Variants in TCEA1 observed in about 807,000 individuals in gnomAD.
The protein encoded by TCEA1 is transcription elongation factor A1.
A neutral mutation model predicts 43.8 loss-of-function variants in TCEA1; 21 were observed. That is an observed-to-expected ratio of 0.48 (90% CI 0.34 to 0.69). The LOEUF (loss-of-function observed/expected upper bound fraction) is 0.69. TCEA1 is among the 30% of genes least tolerant of loss of function. TCEA1 has a pLI of 0.01. For synonymous variants in TCEA1, 104 were observed against 117.5 expected (o/e 0.88, Z 0.75); for missense variants, 250 against 365.1 (o/e 0.68, Z 2.57).
At chr8:54,016,138 A>G (rs1047830207) in intron 1 of TCEA1, among the ~76,000 whole-genome samples, 3 of 152,226 alleles carry the variant, frequency 2.0e-5, no homozygotes, top group South Asian at 2.1e-4. Context: ...CATAGTTACT[A>G]TATGACCCAG....
chr8:54,012,859 A>G, intron 1 of TCEA1, among the ~76,000 whole-genome samples: 1 of 151,508 alleles, frequency 6.6e-6, no homozygotes, highest in Non-Finnish European at 1.5e-5. Flanking sequence ...GCTCGAGCCC[A>G]GAAGCTTGAG....
intron 1 of TCEA1, among the ~76,000 whole-genome samples, chr8:54,021,184 C>T (rs965461093): frequency 2.6e-5 from 4 of 152,038 alleles, no homozygotes; most frequent in African/African-American, 9.7e-5. Flanking sequence ...AGTTAAACTC[C>T]GTCTCGAAAA....
intron 1 of TCEA1, among the ~76,000 whole-genome samples, chr8:54,013,741 C>A (rs2129313653): frequency 6.7e-6 from 1 of 148,794 alleles, no homozygotes; most frequent in South Asian, 2.2e-4. Context: ...CTATGATGAT[C>A]TGAATGAGTG....
intron 3 of TCEA1, among the ~76,000 whole-genome samples, chr8:53,998,692 T>C (rs937372421): frequency 1.3e-5 from 2 of 152,194 alleles, no homozygotes; most frequent in African/African-American, 4.8e-5. Flanking sequence ...AGGGAATTCA[T>C]ATTTGTTGGG....
chr8:54,008,762 TA>T (rs1804558462), intron 2 of TCEA1, among the ~76,000 whole-genome samples: 2 of 151,484 alleles, frequency 1.3e-5, no homozygotes, highest in African/African-American at 4.8e-5. Context: ...TCAACATCAC[TA>T]ATCATTGGAG....
intron 1 of TCEA1, among the ~76,000 whole-genome samples, chr8:54,019,547 G>A (rs1804955561): frequency 1.4e-5 from 2 of 146,444 alleles, no homozygotes; most frequent in African/African-American, 2.6e-5. Context: ...TCTAGCCTGG[G>A]TAACAGAGTG....
At chr8:53,984,289 C>T in intron 7 of TCEA1, 74 bp downstream of exon 7, 1 of 1,364,606 alleles carries the variant, frequency 7.3e-7, no homozygotes, top group Non-Finnish European at 9.8e-7. Flanking sequence ...ATATAGTAGT[C>T]TATGATGATA....
At chr8:53,974,162 T>C (rs577522265) in intron 8 of TCEA1, 2 of 156,116 alleles carry the variant, frequency 1.3e-5, no homozygotes, top group South Asian at 2.0e-4. Context: ...ATTAAATCTG[T>C]AAAAACCAAA....
chr8:53,969,001 G>GGTACT, intron 9 of TCEA1, among the ~76,000 whole-genome samples: 1 of 151,330 alleles, frequency 6.6e-6, no homozygotes, highest in East Asian at 2.0e-4. Flanking sequence ...ACGTAATAAG[G>GGTACT]GTACTGGGCC....
chr8:54,014,965 G>C (rs568492899), intron 1 of TCEA1, among the ~76,000 whole-genome samples: 4 of 152,230 alleles, frequency 2.6e-5, no homozygotes, highest in African/African-American at 7.2e-5. Context: ...AAAATAGAGG[G>C]TCTGACACAT....
intron 7 of TCEA1, among the ~76,000 whole-genome samples, chr8:53,981,367 T>C (rs117002491): frequency 1.3e-5 from 2 of 152,314 alleles, no homozygotes; most frequent in East Asian, 1.9e-4. Flanking sequence ...TCAAAGGACT[T>C]TGAAGGACTC....
At chr8:53,978,886 T>C (rs1803421726) in intron 8 of TCEA1, 139 bp downstream of exon 8, 3 of 1,016,004 alleles carry the variant, frequency 3.0e-6, no homozygotes, top group Non-Finnish European at 4.2e-6. Context: ...GTTTCAGGCA[T>C]CCACTCAGGG....
intron 4 of TCEA1, among the ~76,000 whole-genome samples, chr8:53,990,531 C>T (rs1803844484): frequency 6.6e-6 from 1 of 151,868 alleles, no homozygotes; most frequent in Non-Finnish European, 1.5e-5. Flanking sequence ...CTGTCTAATG[C>T]TTTTTATTAC....
At position 53,990,114 on chromosome 8, in the gene TCEA1, C is replaced by T. The variant is rs118062095; in HGVS notation, c.321-1855G>A. ...CTTGGGGGCTGAAGTAGGGGGCTCG[C>T]TTGAGACTGAAAGGTTGAGGCTGCA... On this transcript the variant is annotated intron_variant, in intron 4 of 9. Transcript: ENST00000521604. 8.8e-3 allele frequency among the ~76,000 whole-genome samples: 1,339 copies of T among 151,758 alleles called. 10 individuals are homozygous for T. Among genetic ancestry groups the T allele is most frequent in the Middle Eastern group, 0.024 (7 of 294 alleles).
chr8:53,969,866 T>C (rs575957828), intron 9 of TCEA1, among the ~76,000 whole-genome samples: 65 of 152,294 alleles, frequency 4.3e-4, no homozygotes, highest in African/African-American at 1.5e-3. Context: ...GAATGAATCA[T>C]TTAAATAATA....
chr8:54,009,091 C>A (rs1376002124), intron 2 of TCEA1, among the ~76,000 whole-genome samples: 2 of 151,650 alleles, frequency 1.3e-5, no homozygotes, highest in African/African-American at 4.8e-5. Context: ...CTCAGGTGAT[C>A]CACCCGCCTC....
chr8:53,969,993 C>A (rs1803107572), intron 9 of TCEA1, among the ~76,000 whole-genome samples: 1 of 152,058 alleles, frequency 6.6e-6, no homozygotes, highest in African/African-American at 2.4e-5. Context: ...ACACTAAAAT[C>A]ATTGGGTCTG....
chr8:53,994,974 A>C (rs1804006454), intron 3 of TCEA1, among the ~76,000 whole-genome samples: 1 of 152,166 alleles, frequency 6.6e-6, no homozygotes, highest in Admixed American at 6.5e-5. Flanking sequence ...TTCACTTTTA[A>C]ATCAATCAAC....
chr8:54,008,556 G>A (rs1468277895), intron 2 of TCEA1, among the ~76,000 whole-genome samples: 1 of 151,756 alleles, frequency 6.6e-6, no homozygotes, highest in African/African-American at 2.4e-5. Flanking sequence ...GGTAAGGGAC[G>A]GGAGGGGCTG....
Sources: allele counts gnomAD v4.1 joint callset (sites outside exome capture counted in the v4.1 genomes callset), GRCh38; gene constraint gnomAD v4.1.1; transcripts MANE v1.5; gene names NCBI Gene and HGNC (gene_info 2026-07-23, HGNC 2026-07-21).